The following COTL1 variants were observed in gnomAD, a reference collection of about 807,000 sequenced individuals.
The protein encoded by COTL1 is coactosin-like protein.
In COTL1, 15 loss-of-function variants were observed where a neutral mutation model predicts 16.5. The observed-to-expected ratio is 0.91, with a 90% CI of 0.61 to 1.40. The LOEUF is 1.40. COTL1 is among the 40% of genes most tolerant of loss of function. The pLI, the probability that COTL1 is intolerant of heterozygous loss-of-function variation, is 0.00. For missense variants in COTL1, 220 were observed against 201.5 expected, an observed-to-expected ratio of 1.09 and a Z score of -0.56; for synonymous variants, 112 against 85.3, an observed-to-expected ratio of 1.31 and a Z score of -1.73.
chr16:84,605,346 C>A (rs760433573), intron 2 of COTL1, among the ~76,000 whole-genome samples: 1 of 152,218 alleles, frequency 6.6e-6, no homozygotes, highest in Non-Finnish European at 1.5e-5. Context: ...CAACAGGGCC[C>A]GCGATGCTGG....
chr16:84,613,239 A>G (rs1905379651), intron 2 of COTL1, among the ~76,000 whole-genome samples: 2 of 152,092 alleles, frequency 1.3e-5, no homozygotes, highest in South Asian at 2.1e-4. Context: ...ACCTCAAGTG[A>G]TCCACCTGCC....
At chr16:84,574,240 G>A (rs545103276) in intron 3 of COTL1, among the ~76,000 whole-genome samples, 3 of 152,282 alleles carry the variant, frequency 2.0e-5, no homozygotes, top group South Asian at 2.1e-4. Context: ...TTCCCGGCAG[G>A]GCCCTGGGGA....
At chr16:84,607,944 G>T (rs1205323887) in intron 2 of COTL1, among the ~76,000 whole-genome samples, 1 of 152,186 alleles carries the variant, frequency 6.6e-6, no homozygotes, top group Non-Finnish European at 1.5e-5. Context: ...AAGGAAGTGA[G>T]AATGACAGGA....
intron 2 of COTL1, among the ~76,000 whole-genome samples, chr16:84,598,196 T>A (rs756058075): frequency 6.6e-5 from 10 of 152,120 alleles, no homozygotes; most frequent in Non-Finnish European, 1.3e-4. Flanking sequence ...GAGAGTCTTG[T>A]TCATGAAAAG....
At chr16:84,569,022 A>G (rs1334804661) in intron 3 of COTL1, 1 of 152,212 alleles carries the variant, frequency 6.6e-6, no homozygotes, top group Non-Finnish European at 1.5e-5. Context: ...ACTGAATTGT[A>G]CACTTTAAAA....
intron 3 of COTL1, among the ~76,000 whole-genome samples, chr16:84,587,858 G>A (rs572063349): frequency 1.4e-3 from 216 of 151,578 alleles, no homozygotes; most frequent in African/African-American, 4.8e-3. Flanking sequence ...TGCAACTTCC[G>A]CCTCCTGGTT....
intron 3 of COTL1, among the ~76,000 whole-genome samples, chr16:84,582,322 A>G (rs1278932509): frequency 1.3e-5 from 2 of 151,990 alleles, no homozygotes; most frequent in Non-Finnish European, 2.9e-5. Flanking sequence ...AAATTATGTT[A>G]AAACAGAGAT....
chr16:84,617,484 CA>C lies in COTL1; in HGVS notation c.160+16del. ...TCCCAACGACCGCGCATCCGCCCGG[CA>C]GGCGCGCCTCCCTACCTGTGCACTG... On this transcript the variant is annotated intron_variant, in intron 2 of 3. Transcript: ENST00000262428. 1.9e-6 allele frequency: 3 copies of C among 1,548,634 alleles called. No individual in the cohort carries two copies. The highest frequency in any genetic ancestry group is 2.6e-6 in the Non-Finnish European group (3 of 1,145,504).
chr16:84,578,833 G>T (rs538745763), intron 3 of COTL1, among the ~76,000 whole-genome samples: 8 of 151,228 alleles, frequency 5.3e-5, no homozygotes, highest in African/African-American at 1.9e-4. Context: ...ACACACAGGT[G>T]CATAGAAACA....
intron 2 of COTL1, among the ~76,000 whole-genome samples, chr16:84,593,494 C>T (rs893922147): frequency 3.3e-5 from 5 of 151,640 alleles, no homozygotes; most frequent in Non-Finnish European, 5.9e-5. Context: ...AGTCACATAA[C>T]AAAATTCACC....
intron 3 of COTL1, among the ~76,000 whole-genome samples, chr16:84,587,811 G>A (rs1216012963): frequency 6.6e-6 from 1 of 151,128 alleles, no homozygotes; most frequent in African/African-American, 2.4e-5. Flanking sequence ...TTATTTTTTT[G>A]GAGACTCGCT....
At chr16:84,585,727 T>C (rs1214124369) in intron 3 of COTL1, among the ~76,000 whole-genome samples, 1 of 152,160 alleles carries the variant, frequency 6.6e-6, no homozygotes, top group African/African-American at 2.4e-5. Context: ...GACAGCATTA[T>C]ACCAGCAGAA....
rs1358818225 is a variant in COTL1, at chr16:84,617,830, G to C, written c.77+8C>G. On this transcript the variant is annotated splice_region_variant and intron_variant, in intron 1 of 3. Coordinates refer to ENST00000262428, the MANE Select transcript of COTL1 (RefSeq NM_021149.5). ...AGCGGGGCGTGGAGACGAATGAAAA[G>C]TTCCTACCAGATGACGGCCGAGCCG... 1.3e-6 allele frequency: 2 copies of C among 1,570,490 alleles called. No individual in the cohort carries two copies. Among genetic ancestry groups the C allele is most frequent in the East Asian group, 2.3e-5 (1 of 42,590 alleles).
intron 2 of COTL1, among the ~76,000 whole-genome samples, chr16:84,611,997 G>C (rs750797245): frequency 6.6e-6 from 1 of 152,092 alleles, no homozygotes; most frequent in Non-Finnish European, 1.5e-5. Flanking sequence ...AGGTGAACCT[G>C]TGACCCTCCA....
At chr16:84,568,864 T>G (rs1045741718) in intron 3 of COTL1, 4 of 152,236 alleles carry the variant, frequency 2.6e-5, no homozygotes, top group South Asian at 2.1e-4. Flanking sequence ...GAAATTACAA[T>G]GCTTGTCCGA....
At chr16:84,596,507 G>A (rs1288831381) in intron 2 of COTL1, 1 of 152,240 alleles carries the variant, frequency 6.6e-6, no homozygotes, top group East Asian at 1.9e-4. Context: ...CCTCTCCAGT[G>A]AAACTGCCCT....
chr16:84,609,935 C>G (rs2150696687), intron 2 of COTL1, among the ~76,000 whole-genome samples: 1 of 152,346 alleles, frequency 6.6e-6, no homozygotes, highest in East Asian at 1.9e-4. Context: ...ACGGGTATTT[C>G]TTCATAGCAG....
chr16:84,597,764 G>A (rs2925064), intron 2 of COTL1, among the ~76,000 whole-genome samples: 14,138 of 152,190 alleles, frequency 0.093, 837 homozygotes, highest in East Asian at 0.24. Flanking sequence ...TTTATTTTAA[G>A]CAAATGACTG....
chr16:84,578,633 G>A (rs1449818192), intron 3 of COTL1, among the ~76,000 whole-genome samples: 4 of 149,098 alleles, frequency 2.7e-5, no homozygotes, highest in African/African-American at 7.4e-5. Context: ...ACACACACAC[G>A]CAGGCATACA....
Sources: gnomAD v4.1 joint callset for allele counts (sites outside exome capture counted in the v4.1 genomes callset) on GRCh38, gnomAD v4.1.1 for gene constraint, MANE v1.5 for transcripts, NCBI Gene and HGNC (gene_info 2026-07-23, HGNC 2026-07-21) for gene names.